The following KCNIP4 variants were observed in gnomAD, a reference collection of about 807,000 sequenced individuals.
KCNIP4 encodes the protein Kv channel-interacting protein 4.
In KCNIP4, 12 loss-of-function variants were observed where a neutral mutation model predicts 34.0. The observed-to-expected ratio is 0.35, with a 90% confidence interval of 0.23 to 0.57. The LOEUF is 0.57. Among genes scored for constraint, KCNIP4 ranks in the 20% least tolerant of loss-of-function variants. The pLI, the probability that KCNIP4 is intolerant of heterozygous loss-of-function variation, is 0.83. For missense variants in KCNIP4, 238 were observed against 311.7 expected, an observed-to-expected ratio of 0.76 and a Z score of 1.78; for synonymous variants, 124 against 102.2, an observed-to-expected ratio of 1.21 and a Z score of -1.29.
At chr4:21,939,832 T>G (rs1319933336) in intron 1 of KCNIP4, among the ~76,000 whole-genome samples, 2 of 152,194 alleles carry the variant, frequency 1.3e-5, no homozygotes. Context: ...GAGCAGAATG[T>G]GACTTTCACA....
At chr4:20,756,227 AAC>A (rs1423036734) in intron 4 of KCNIP4, among the ~76,000 whole-genome samples, 1 of 152,060 alleles carries the variant, frequency 6.6e-6, no homozygotes. Flanking sequence ...TGGCCATAAT[AAC>A]AGAGAGAAAC....
intron 3 of KCNIP4, among the ~76,000 whole-genome samples, chr4:20,800,305 T>G (rs1190453383): frequency 1.3e-5 from 2 of 152,340 alleles, no homozygotes; most frequent in Non-Finnish European, 2.9e-5. Flanking sequence ...AAAGCTACTC[T>G]GTAAAGTTTG....
intron 1 of KCNIP4, among the ~76,000 whole-genome samples, chr4:21,343,451 G>A (rs866962431): frequency 3.3e-5 from 5 of 152,018 alleles, no homozygotes; most frequent in African/African-American, 7.2e-5. Context: ...ATCTCTTTAG[G>A]GAGTTATACA....
chr4:21,776,664 A>C lies in KCNIP4; in HGVS notation c.61+171907T>G, dbSNP rs529407356. 1.5e-4 allele frequency among the ~76,000 whole-genome samples: 23 copies of C among 152,206 alleles called. No individual in the cohort carries two copies. In the South Asian group the frequency reaches 4.6e-3, roughly 30 times the overall value. On this transcript the variant is annotated intron_variant, in intron 1 of 8. Coordinates refer to ENST00000382152, the MANE Select transcript of KCNIP4 (RefSeq NM_025221.6). The stretch of plus-strand genomic sequence containing the variant: ...TCTCATCTTGAATTGTAATCCCATA[A>C]TCCCTAGGTGTTGAGGAAGAAACCA...
At chr4:21,324,351 C>T (rs1714809468) in intron 1 of KCNIP4, among the ~76,000 whole-genome samples, 1 of 151,914 alleles carries the variant, frequency 6.6e-6, no homozygotes. Flanking sequence ...ATTTTCTCAA[C>T]ATTTTCTGTT....
chr4:21,903,351 C>T (rs1727812343), intron 1 of KCNIP4, among the ~76,000 whole-genome samples: 1 of 152,016 alleles, frequency 6.6e-6, no homozygotes. Flanking sequence ...AAATTCAAGT[C>T]AATCTGAAGC....
chr4:21,012,575 G>GCAAAA (rs1407986337), intron 1 of KCNIP4, among the ~76,000 whole-genome samples: 3 of 152,014 alleles, frequency 2.0e-5, no homozygotes, highest in South Asian at 2.1e-4. Flanking sequence ...TCGAATCAAA[G>GCAAAA]CAAAACAAAA....
chr4:21,422,070 AGAT>A (rs568573871), intron 1 of KCNIP4, among the ~76,000 whole-genome samples: 36 of 152,340 alleles, frequency 2.4e-4, no homozygotes, highest in Admixed American at 2.1e-3. Flanking sequence ...AAAGAGAAAG[AGAT>A]GATATTTAGC....
In KCNIP4 at chr4:21,372,353, AATAGATAGATAG is replaced by A. The variant is rs140861893; in HGVS notation, c.62-489656_62-489645del. 1.5e-4 allele frequency among the ~76,000 whole-genome samples: 21 copies of A among 139,068 alleles called. 1 individual carries two copies. The highest frequency in any genetic ancestry group is 6.9e-5 in the Admixed American group (1 of 14,472). 91.2% of individuals were successfully genotyped at this position (139,068 alleles called of 152,430 possible). A position where few individuals can be genotyped will look rare whatever the true frequency, so the allele number is the denominator to read the frequency against. On this transcript the variant is annotated intron_variant, in intron 1 of 8. Transcript: ENST00000382152. ...TTTTTTCAAGTTTTCCAGTTTGGTG[AATAGATAGATAG>A]ATAGATAGATAGATAGATAGATAGA...
At chr4:20,986,337 C>T (rs756332557) in intron 1 of KCNIP4, among the ~76,000 whole-genome samples, 2 of 152,276 alleles carry the variant, frequency 1.3e-5, no homozygotes, top group African/African-American at 4.8e-5. Flanking sequence ...TCCACCTGCC[C>T]AATCACCCAT....
intron 1 of KCNIP4, among the ~76,000 whole-genome samples, chr4:21,131,947 A>G (rs1373921392): frequency 6.6e-6 from 1 of 152,180 alleles, no homozygotes; most frequent in East Asian, 1.9e-4. Context: ...GGGCCATTGT[A>G]TTGGATGGCA....
rs192363138 is a variant in KCNIP4, at chr4:21,458,303, T to G, written c.61+490268A>C. Among the ~76,000 whole-genome samples, 7 of 151,960 alleles carry G rather than the reference T, an allele frequency of 4.6e-5. No homozygotes were observed. In the East Asian group the frequency reaches 9.8e-4, roughly 21 times the overall value. ...ATGATGATTTCCAATTTCATCCATGTCCCTACAAAGGACAGGAACTCATCA... is the reference window on the plus strand; with the variant it reads ...ATGATGATTTCCAATTTCATCCATGGCCCTACAAAGGACAGGAACTCATCA... On this transcript the variant is annotated intron_variant, in intron 1 of 8. Coordinates refer to ENST00000382152, the MANE Select transcript of KCNIP4 (RefSeq NM_025221.6).
At chr4:21,380,545 T>G (rs1036309359) in intron 1 of KCNIP4, among the ~76,000 whole-genome samples, 2 of 151,978 alleles carry the variant, frequency 1.3e-5, no homozygotes, top group Non-Finnish European at 2.9e-5. Context: ...TAGATCACTC[T>G]TAATTTGAGG....
intron 1 of KCNIP4, among the ~76,000 whole-genome samples, chr4:21,117,305 G>GC (rs1266256287): frequency 4.9e-5 from 2 of 40,650 alleles, no homozygotes; most frequent in Non-Finnish European, 8.5e-5. Flanking sequence ...GTTGCCGGGG[G>GC]GGGGGGGGGG....
At chr4:21,149,099 C>G (rs1379058214) in intron 1 of KCNIP4, among the ~76,000 whole-genome samples, 1 of 152,008 alleles carries the variant, frequency 6.6e-6, no homozygotes, top group African/African-American at 2.4e-5. Flanking sequence ...TCTCAAAAGC[C>G]TAAATGCAGA....
At chr4:20,792,137 G>A (rs1712834130) in intron 3 of KCNIP4, among the ~76,000 whole-genome samples, 1 of 152,200 alleles carries the variant, frequency 6.6e-6, no homozygotes. Flanking sequence ...ACTTTGAGAA[G>A]CTGAGGCAGG....
intron 1 of KCNIP4, among the ~76,000 whole-genome samples, chr4:21,282,697 T>G (rs982375094): frequency 6.6e-6 from 1 of 152,308 alleles, no homozygotes; most frequent in Non-Finnish European, 1.5e-5. Context: ...TTTCTCTCAA[T>G]GTGTGCTGGC....
intron 1 of KCNIP4, among the ~76,000 whole-genome samples, chr4:21,490,047 TTTTA>T (rs1732255675): frequency 6.6e-6 from 1 of 152,144 alleles, no homozygotes; most frequent in Admixed American, 6.6e-5. Context: ...AAAGCGCTCT[TTTTA>T]TTTTTTGCTT....
At chr4:21,290,119 T>C (rs1339509790) in intron 1 of KCNIP4, among the ~76,000 whole-genome samples, 1 of 152,218 alleles carries the variant, frequency 6.6e-6, no homozygotes, top group Non-Finnish European at 1.5e-5. Context: ...GAGATGGCTC[T>C]TTATCAATGA....
Sources: gnomAD v4.1 joint callset for allele counts (sites outside exome capture counted in the v4.1 genomes callset) on GRCh38, gnomAD v4.1.1 for gene constraint, MANE v1.5 for transcripts, NCBI Gene and HGNC (gene_info 2026-07-23, HGNC 2026-07-21) for gene names.